TCF4: variants seen among roughly 807,000 people sequenced by gnomAD.
TCF4 encodes transcription factor 4, also known as SL3-3 enhancer factor 2.
Under a neutral mutation model 82.1 loss-of-function variants are expected in TCF4, and 3 were observed. That is an observed-to-expected ratio of 0.04 (90% CI 0.02 to 0.09). TCF4 has a LOEUF of 0.09. Among genes scored for constraint, TCF4 ranks in the 10% least tolerant of loss-of-function variants. The probability of loss-of-function intolerance (pLI) is 1.00; values close to 1 mark genes in which losing one functional copy is unlikely to be tolerated. For synonymous variants in TCF4, 276 were observed against 309.6 expected (o/e 0.89, Z 1.14); for missense variants, 518 against 852.7 (o/e 0.61, Z 4.89).
At chr18:55,402,621 GA>G (rs774975807) in intron 6 of TCF4, among the ~76,000 whole-genome samples, 3 of 150,204 alleles carry the variant, frequency 2.0e-5, no homozygotes, top group Non-Finnish European at 4.4e-5. Context: ...TTATAAAAAG[GA>G]AGTATAAATT....
At chr18:55,569,746 A>T (rs2097443894) in intron 3 of TCF4, among the ~76,000 whole-genome samples, 2 of 152,184 alleles carry the variant, frequency 1.3e-5, no homozygotes, top group South Asian at 4.1e-4. Flanking sequence ...AATTATAAAG[A>T]ATTGTTTTGA....
intron 3 of TCF4, among the ~76,000 whole-genome samples, chr18:55,538,249 CAAT>C (rs1193737949): frequency 2.0e-5 from 3 of 152,090 alleles, no homozygotes; most frequent in Non-Finnish European, 4.4e-5. Context: ...AGTCCAGCCA[CAAT>C]AATACTGAAT....
In TCF4 at chr18:55,361,619, G is replaced by C. The variant is rs141618625; in HGVS notation, c.370-10616C>G. ...TCATCTCCTTGAGACTCCTTCCCCA[G>C]CTATGCTGGGGAGGTCCACTCCTCT... On this transcript the variant is annotated intron_variant, in intron 6 of 19. Coordinates refer to ENST00000354452, the MANE Select transcript of TCF4 (RefSeq NM_001083962.2). 1.6e-3 allele frequency among the ~76,000 whole-genome samples: 243 copies of C among 152,288 alleles called. 1 individual carries two copies. Among genetic ancestry groups the C allele is most frequent in the African/African-American group, 5.6e-3 (234 of 41,572 alleles).
chr18:55,609,124 T>C (rs1055811906), intron 2 of TCF4, among the ~76,000 whole-genome samples: 1 of 152,160 alleles, frequency 6.6e-6, no homozygotes, highest in Non-Finnish European at 1.5e-5. Flanking sequence ...GATCTGTCCA[T>C]ACCTTACTCT....
chr18:55,377,439 G>C (rs1231080285), intron 6 of TCF4, among the ~76,000 whole-genome samples: 1 of 152,160 alleles, frequency 6.6e-6, no homozygotes, highest in Non-Finnish European at 1.5e-5. Context: ...TTGGAATATG[G>C]AATCAAATGA....
chr18:55,433,789 T>G (rs573815575), intron 5 of TCF4, among the ~76,000 whole-genome samples: 13 of 152,298 alleles, frequency 8.5e-5, no homozygotes, highest in African/African-American at 2.9e-4. Context: ...TGCTATTCTA[T>G]TTTAGTTCCA....
chr18:55,240,046 T>G (rs1409703930), intron 15 of TCF4, among the ~76,000 whole-genome samples: 1 of 152,186 alleles, frequency 6.6e-6, no homozygotes, highest in East Asian at 1.9e-4. Context: ...CCATAATCCT[T>G]CTAAAAGAGT....
chr18:55,401,442 G>A (rs2093813168), intron 6 of TCF4: 2 of 1,065,140 alleles, frequency 1.9e-6, no homozygotes, highest in African/African-American at 3.4e-5. Context: ...AAAAGCATAT[G>A]CAGTCATAGT....
rs1216869087 is a variant in TCF4 at position 55,226,176 on chromosome 18, C to T, written c.*1859G>A. ...ACAAATGTATTTCATTACTATATAA[C>T]TGGCAAAACAGGAGAACAGATGGAA... is the stretch of plus-strand genomic sequence containing the variant. On this transcript the variant is annotated 3_prime_UTR_variant, in exon 20 of 20. Transcript: ENST00000354452. 1 of 152,520 alleles carries T rather than the reference C, an allele frequency of 6.6e-6. No homozygotes were observed. The highest frequency in any genetic ancestry group is 1.5e-5 in the Non-Finnish European group (1 of 67,988). 9.4% of individuals were successfully genotyped at this position (152,520 alleles called of 1,614,324 possible). A position where few individuals can be genotyped will look rare whatever the true frequency, so the allele number is the denominator to read the frequency against.
At chr18:55,631,169 C>T (rs921969054) in intron 2 of TCF4, 6 of 381,216 alleles carry the variant, frequency 1.6e-5, no homozygotes, top group African/African-American at 1.3e-4. Context: ...CCTGCCTCAG[C>T]CTCTTGAGTA....
At chr18:55,284,559 G>A (rs963363755) in intron 8 of TCF4, among the ~76,000 whole-genome samples, 5 of 152,210 alleles carry the variant, frequency 3.3e-5, no homozygotes, top group African/African-American at 1.2e-4. Flanking sequence ...ATCACCATGT[G>A]TGGTTGGGTG....
At position 55,235,443 on chromosome 18, in the gene TCF4, C is replaced by T. The variant is rs568744631; in HGVS notation, c.1351-760G>A. 7.2e-5 allele frequency among the ~76,000 whole-genome samples: 11 copies of T among 152,208 alleles called. No individual in the cohort carries two copies. In the South Asian group the frequency reaches 2.1e-3, roughly 29 times the overall value. On this transcript the variant is annotated intron_variant, in intron 15 of 19. Transcript: ENST00000354452. ...GGACATTTTTCCATTTTTTTCCTCA[C>T]TATTCTGACCCTAGAAAGACACCAT... is the stretch of plus-strand genomic sequence containing the variant.
intron 3 of TCF4, among the ~76,000 whole-genome samples, chr18:55,531,996 T>A (rs918966979): frequency 2.0e-5 from 3 of 152,244 alleles, no homozygotes; most frequent in Non-Finnish European, 4.4e-5. Flanking sequence ...GATGCAAATG[T>A]ACCAAATTTG....
intron 6 of TCF4, chr18:55,351,994 T>C: frequency 1.4e-6 from 1 of 716,466 alleles, no homozygotes; most frequent in Non-Finnish European, 1.7e-6. Context: ...ACTGAACTAA[T>C]TACTGTCCTT....
intron 3 of TCF4, chr18:55,510,606 G>A: frequency 6.6e-7 from 1 of 1,514,642 alleles, no homozygotes; most frequent in South Asian, 1.2e-5. Context: ...ATATGAATAG[G>A]AAGTAATAAA....
At chr18:55,616,257 C>G (rs2097711774) in intron 2 of TCF4, among the ~76,000 whole-genome samples, 1 of 152,058 alleles carries the variant, frequency 6.6e-6, no homozygotes, top group Non-Finnish European at 1.5e-5. Context: ...GCTTATTTCA[C>G]TAGCATAATG....
chr18:55,499,271 A>G (rs2096671391), intron 3 of TCF4, among the ~76,000 whole-genome samples: 1 of 152,176 alleles, frequency 6.6e-6, no homozygotes, highest in Non-Finnish European at 1.5e-5. Context: ...ATACCAACAC[A>G]TCTGCACATC....
intron 8 of TCF4, chr18:55,322,455 A>G: frequency 1.0e-6 from 1 of 986,414 alleles, no homozygotes; most frequent in Non-Finnish European, 1.2e-6. Context: ...AAAAAACACC[A>G]CGTCTCTGAC....
intron 5 of TCF4, among the ~76,000 whole-genome samples, chr18:55,456,677 T>A (rs2095761779): frequency 6.6e-6 from 1 of 152,154 alleles, no homozygotes; most frequent in Admixed American, 6.5e-5. Context: ...CCTGCAAAAG[T>A]TTAGTGCTTG....
Sources: allele counts gnomAD v4.1 joint callset (sites outside exome capture counted in the v4.1 genomes callset), GRCh38; gene constraint gnomAD v4.1.1; transcripts MANE v1.5; gene names NCBI Gene and HGNC (gene_info 2026-07-23, HGNC 2026-07-21).